The following PSMA8 variants were observed in gnomAD, a reference collection of about 807,000 sequenced individuals.
The protein encoded by PSMA8 is proteasome subunit alpha-type 8.
A neutral mutation model predicts 32.4 loss-of-function variants in PSMA8; 18 were observed. The observed-to-expected ratio is 0.56, with a 90% CI of 0.38 to 0.82. PSMA8 has a LOEUF of 0.82. Ranked by LOEUF, PSMA8 falls within the 40% of genes least tolerant of loss-of-function variation. The probability of loss-of-function intolerance (pLI) is 0.00; values close to 1 mark genes in which losing one functional copy is unlikely to be tolerated. For missense variants in PSMA8, 298 were observed against 300.7 expected (o/e 0.99, Z 0.07); for synonymous variants, 104 against 98.1 (o/e 1.06, Z -0.36).
intron 2 of PSMA8, among the ~76,000 whole-genome samples, chr18:26,145,867 A>G (rs2054998774): frequency 1.3e-5 from 2 of 152,150 alleles, no homozygotes; most frequent in African/African-American, 4.8e-5. Context: ...TTTCTCTGGG[A>G]CAAATTCCTA....
chr18:26,167,905 T>A (rs11198), intron 4 of PSMA8, among the ~76,000 whole-genome samples: 1 of 91,410 alleles, frequency 1.1e-5, no homozygotes, highest in Non-Finnish European at 1.8e-5. Flanking sequence ...ATTGTTCTTA[T>A]TAAAGAAATA....
At chr18:26,163,815 T>C (rs2055157717) in intron 4 of PSMA8, among the ~76,000 whole-genome samples, 2 of 152,212 alleles carry the variant, frequency 1.3e-5, no homozygotes, top group Non-Finnish European at 2.9e-5. Context: ...CTCTAGCTGC[T>C]ATATTGAGAA....
chr18:26,137,531 A>G (rs1177529147), intron 1 of PSMA8, among the ~76,000 whole-genome samples: 1 of 152,214 alleles, frequency 6.6e-6, no homozygotes, highest in Non-Finnish European at 1.5e-5. Context: ...GAAGCATCTT[A>G]AACAGAATCT....
chr18:26,142,911 G>A (rs1215329874), intron 1 of PSMA8, among the ~76,000 whole-genome samples: 9 of 152,120 alleles, frequency 5.9e-5, no homozygotes, highest in Non-Finnish European at 1.5e-5. Context: ...ACGAATTTGG[G>A]GGGAATATAA....
At chr18:26,145,575 T>C (rs1166431364) in intron 2 of PSMA8, among the ~76,000 whole-genome samples, 1 of 152,210 alleles carries the variant, frequency 6.6e-6, no homozygotes, top group Non-Finnish European at 1.5e-5. Flanking sequence ...TGTATCTCTA[T>C]AATTTTGTCA....
intron 1 of PSMA8, among the ~76,000 whole-genome samples, chr18:26,137,557 C>T (rs903176817): frequency 6.6e-6 from 1 of 152,142 alleles, no homozygotes; most frequent in Non-Finnish European, 1.5e-5. Context: ...ACAGAAAGTA[C>T]TTAACAAATT....
At chr18:26,159,920 T>A (rs2055121970) in intron 4 of PSMA8, among the ~76,000 whole-genome samples, 2 of 152,172 alleles carry the variant, frequency 1.3e-5, no homozygotes. Context: ...AAAATCATCT[T>A]TAACAAAAAA....
chr18:26,171,379 C>A, intron 4 of PSMA8: 1 of 1,271,712 alleles, frequency 7.9e-7, no homozygotes, highest in Non-Finnish European at 1.1e-6. Flanking sequence ...TATGACATAC[C>A]AAGCAGACTA....
At chr18:26,134,680 C>T (rs1427004895) in intron 1 of PSMA8, among the ~76,000 whole-genome samples, 1 of 152,130 alleles carries the variant, frequency 6.6e-6, no homozygotes, top group African/African-American at 2.4e-5. Flanking sequence ...AATTGCTGGG[C>T]GCAGTGGCTC....
chr18:26,157,988 G>A (rs2055103909), intron 3 of PSMA8, 134 bp from the exon 4 acceptor site: 1 of 622,290 alleles, frequency 1.6e-6, no homozygotes. Context: ...TCCAGAAAGG[G>A]TTAGGAAAAA....
chr18:26,138,940 T>C (rs2054933344), intron 1 of PSMA8, among the ~76,000 whole-genome samples: 4 of 152,156 alleles, frequency 2.6e-5, no homozygotes, highest in Admixed American at 2.6e-4. Context: ...CACTAAGTTT[T>C]GGGGGAAGAT....
chr18:26,144,789 T>C (rs536421222), intron 2 of PSMA8, 104 bp downstream of exon 2: 1 of 1,111,560 alleles, frequency 9.0e-7, no homozygotes, highest in Non-Finnish European at 1.3e-6. Context: ...ACATGTGGAG[T>C]TGTTCTACAA....
Position 26,166,117 on chromosome 18 carries a change from AAAAG to A in PSMA8, c.477+7877_477+7880del, listed in dbSNP as rs1331377461. ...ACTCTGTCTCAAAAAGAAAAAGAAAAAAAGAAAAGAAAAGAAAAACTGCAACATT... is the reference window on the plus strand; with the variant it reads ...ACTCTGTCTCAAAAAGAAAAAGAAAAAAAAGAAAAGAAAAACTGCAACATT... On this transcript the variant is annotated intron_variant, in intron 4 of 6. Coordinates refer to ENST00000415576, the MANE Select transcript of PSMA8 (RefSeq NM_001025096.2). 2.8e-4 allele frequency among the ~76,000 whole-genome samples: 43 copies of A among 152,210 alleles called. 1 individual carries two copies. Among genetic ancestry groups the A allele is most frequent in the Non-Finnish European group, 5.9e-5 (4 of 68,006 alleles).
At chr18:26,182,572 C>T (rs547511942) in intron 6 of PSMA8, among the ~76,000 whole-genome samples, 13 of 152,164 alleles carry the variant, frequency 8.5e-5, no homozygotes, top group East Asian at 1.9e-4. Context: ...CCAGTAGCTC[C>T]GATGGACATG....
chr18:26,175,925 A>G (rs2055260263), intron 4 of PSMA8, among the ~76,000 whole-genome samples: 2 of 152,208 alleles, frequency 1.3e-5, no homozygotes, highest in Admixed American at 6.5e-5. Context: ...CCACCTGTGT[A>G]TACCTATTTG....
In PSMA8 at chr18:26,178,851, G is replaced by A. The variant is rs2055285457; in HGVS notation, c.499G>A (p.Ala167Thr). The A allele has an allele frequency of 6.2e-7, 1 of 1,613,516 alleles. No individual in the cohort carries two copies. The highest frequency in any genetic ancestry group is 8.5e-7 in the Non-Finnish European group (1 of 1,179,686). ...CAAGGCAAATGCAATAGGCCGAAGTGCTAAAACTGTTCGAGAATTTCTAGA... is the reference window on the plus strand; with the variant it reads ...CAAGGCAAATGCAATAGGCCGAAGTACTAAAACTGTTCGAGAATTTCTAGA... ...AWKANAIGRS[A>T]KTVREFLEKN... The change falls in exon 5 of 7, where the codon GCT becomes ACT. Residue 167 changes from alanine (A) to threonine (T), a missense_variant. By Grantham distance (58) the Ala-to-Thr change is moderately conservative. Coordinates refer to ENST00000415576, the MANE Select transcript of PSMA8 (RefSeq NM_001025096.2).
At chr18:26,156,558 G>A (rs186471152) in intron 3 of PSMA8, among the ~76,000 whole-genome samples, 693 of 151,908 alleles carry the variant, frequency 4.6e-3, no homozygotes, top group Non-Finnish European at 7.4e-3. Context: ...AAGTCATGCA[G>A]AGGAAGACAA....
At chr18:26,179,322 C>T (rs1199727808) in intron 6 of PSMA8, among the ~76,000 whole-genome samples, 192 bp downstream of exon 6, 23 of 146,788 alleles carry the variant, frequency 1.6e-4, no homozygotes, top group Non-Finnish European at 1.8e-4. Flanking sequence ...TAAATAGAGA[C>T]GGGATTTCAC....
chr18:26,190,437 T>TA (rs1458782654), intron 6 of PSMA8, among the ~76,000 whole-genome samples: 1 of 152,170 alleles, frequency 6.6e-6, no homozygotes, highest in Non-Finnish European at 1.5e-5. Context: ...TCATAAAAAT[T>TA]AAAAATAATT....
Sources: gnomAD v4.1 joint callset for allele counts (sites outside exome capture counted in the v4.1 genomes callset) on GRCh38, gnomAD v4.1.1 for gene constraint, MANE v1.5 for transcripts, NCBI Gene and HGNC (gene_info 2026-07-23, HGNC 2026-07-21) for gene names.